Variants in KCNH5 observed in about 807,000 individuals in gnomAD.
KCNH5 encodes the protein potassium voltage-gated channel subfamily H member 5.
KCNH5 carries 46 observed loss-of-function variants against 96.1 expected under a neutral mutation model. The ratio of observed to expected loss-of-function variants is 0.48; its 90% CI spans 0.38 to 0.61. The LOEUF is 0.61. KCNH5 is among the 20% of genes least tolerant of loss of function. KCNH5 has a pLI of 0.00. For synonymous variants in KCNH5, 439 were observed against 449.8 expected, an observed-to-expected ratio of 0.98 and a Z score of 0.30; for missense variants, 907 against 1,225.8, an observed-to-expected ratio of 0.74 and a Z score of 3.88.
chr14:62,708,584 AG>A, intron 10 of KCNH5, 129 bp from the exon 11 acceptor site: 1 of 581,334 alleles, frequency 1.7e-6, no homozygotes. Flanking sequence ...TTATTTCTCA[AG>A]AAAAAAAAAT....
Position 62,981,264 on chromosome 14 carries a change from C to T in KCNH5, c.550G>A (p.Val184Ile), listed in dbSNP as rs752609494. 3.7e-6 allele frequency: 6 copies of T among 1,613,676 alleles called. No individual in the cohort carries two copies. The Admixed American group carries it at 6.7e-5, about 18-fold the overall frequency. Reference sequence around the variant, plus strand: ...AGGATATCTGATCCCAGCTGAAGAACCTAAAAGAGAGAAAATGTATTTATA... The same window carrying T: ...AGGATATCTGATCCCAGCTGAAGAATCTAAAAGAGAGAAAATGTATTTATA... ...VVHKHSRLAEVLQLGSDILPQ... is the reference protein window; with the variant it reads ...VVHKHSRLAEILQLGSDILPQ... The change falls in exon 6 of 11, where the codon GTT becomes ATT. Residue 184 changes from valine (V) to isoleucine (I), a missense_variant and splice_region_variant. This residue lies in a region of KCNH5 where 370 missense variants were observed against 561.3 expected (regional missense o/e 0.66). Coordinates refer to ENST00000322893, the MANE Select transcript of KCNH5 (RefSeq NM_139318.5).
chr14:62,911,064 G>A (rs1027568019), intron 7 of KCNH5, among the ~76,000 whole-genome samples: 5 of 151,894 alleles, frequency 3.3e-5, no homozygotes, highest in Admixed American at 6.6e-5. Context: ...TACTACTTAA[G>A]AGTAGGGGCA....
At chr14:62,815,880 C>T (rs1456350604) in intron 8 of KCNH5, among the ~76,000 whole-genome samples, 1 of 151,850 alleles carries the variant, frequency 6.6e-6, no homozygotes, top group Non-Finnish European at 1.5e-5. Context: ...TACACACACA[C>T]ACAAAACACC....
chr14:62,788,039 T>G (rs1458492518), intron 9 of KCNH5, among the ~76,000 whole-genome samples: 1 of 152,190 alleles, frequency 6.6e-6, no homozygotes, highest in East Asian at 1.9e-4. Context: ...AGAAATATAC[T>G]GGTAAGGCTA....
At chr14:62,746,957 G>C (rs10483755) in intron 10 of KCNH5, among the ~76,000 whole-genome samples, 1 of 152,210 alleles carries the variant, frequency 6.6e-6, no homozygotes, top group Non-Finnish European at 1.5e-5. Context: ...ATCATGTTAA[G>C]ATCAAAATTT....
chr14:62,708,290 G>T lies in KCNH5; in HGVS notation c.2185C>A (p.Pro729Thr), dbSNP rs1374075293. The change falls in exon 11 of 11, where the codon CCT (proline) becomes ACT (threonine). Residue 729 changes from proline (P) to threonine (T), a missense_variant. Physicochemically the swap from Pro to Thr is conservative, Grantham distance 38. Coordinates refer to ENST00000322893, the MANE Select transcript of KCNH5 (RefSeq NM_139318.5). ...TCTACCTGGAGTTGGTTCCTCTCAGGGTCACCCTGTGTTGAGCCCTGATTC... is the reference window on the plus strand; with the variant it reads ...TCTACCTGGAGTTGGTTCCTCTCAGTGTCACCCTGTGTTGAGCCCTGATTC... Reference protein sequence around the residue: ...LRNQGSTQGDPERNQLQVESR... With the variant: ...LRNQGSTQGDTERNQLQVESR... 1.9e-6 allele frequency: 3 copies of T among 1,614,004 alleles called. No individual in the cohort carries two copies. Among genetic ancestry groups the T allele is most frequent in the African/African-American group, 1.3e-5 (1 of 74,888 alleles).
chr14:62,979,498 A>G (rs923472979), intron 6 of KCNH5, among the ~76,000 whole-genome samples: 3 of 152,026 alleles, frequency 2.0e-5, no homozygotes, highest in Non-Finnish European at 4.4e-5. Flanking sequence ...ACTGAAGAAA[A>G]GTTTCAATCT....
chr14:62,853,275 G>A (rs1042309797), intron 7 of KCNH5, among the ~76,000 whole-genome samples: 2 of 151,558 alleles, frequency 1.3e-5, no homozygotes, highest in African/African-American at 2.4e-5. Flanking sequence ...CTAAACCTCC[G>A]TTGGCCTCTA....
At chr14:62,869,299 T>A (rs1322911499) in intron 7 of KCNH5, among the ~76,000 whole-genome samples, 1 of 152,186 alleles carries the variant, frequency 6.6e-6, no homozygotes, top group Non-Finnish European at 1.5e-5. Context: ...GATGACTAGC[T>A]TTTTTTCATG....
chr14:62,734,173 C>A (rs553624029), intron 10 of KCNH5, among the ~76,000 whole-genome samples: 1 of 152,146 alleles, frequency 6.6e-6, no homozygotes, highest in Non-Finnish European at 1.5e-5. Flanking sequence ...TCCCCACCCC[C>A]CAACATATCT....
intron 8 of KCNH5, among the ~76,000 whole-genome samples, chr14:62,841,777 C>T (rs961792400): frequency 6.6e-6 from 1 of 152,218 alleles, no homozygotes; most frequent in Non-Finnish European, 1.5e-5. Flanking sequence ...CATTTTTCAC[C>T]TCCCAGCCAA....
At chr14:62,913,489 G>A (rs1429026973) in intron 7 of KCNH5, among the ~76,000 whole-genome samples, 4 of 152,178 alleles carry the variant, frequency 2.6e-5, no homozygotes, top group African/African-American at 9.6e-5. Context: ...GCCTCCCAAA[G>A]TGTTGGGATT....
chr14:62,725,595 T>C (rs907935697), intron 10 of KCNH5, among the ~76,000 whole-genome samples: 6 of 152,148 alleles, frequency 3.9e-5, no homozygotes, highest in African/African-American at 1.4e-4. Context: ...GGAGGGACAG[T>C]AGAAGAGTTC....
intron 7 of KCNH5, among the ~76,000 whole-genome samples, chr14:62,931,108 G>C (rs191973066): frequency 1.8e-4 from 27 of 152,194 alleles, no homozygotes; most frequent in African/African-American, 6.0e-4. Flanking sequence ...TCGAGCAGAG[G>C]TTGTATATAA....
At chr14:62,745,882 T>C (rs778827506) in intron 10 of KCNH5, among the ~76,000 whole-genome samples, 16 of 152,196 alleles carry the variant, frequency 1.1e-4, no homozygotes, top group Non-Finnish European at 2.4e-4. Context: ...CACATTTTGA[T>C]ATTTCGATTG....
intron 10 of KCNH5, 93 bp downstream of exon 10, chr14:62,779,634 CA>C: frequency 9.4e-7 from 1 of 1,061,926 alleles, no homozygotes; most frequent in Non-Finnish European, 1.3e-6. Flanking sequence ...TTTAGTGCTG[CA>C]AAACAAAATA....
intron 8 of KCNH5, among the ~76,000 whole-genome samples, chr14:62,844,490 A>AT (rs1334591643): frequency 6.6e-6 from 1 of 151,988 alleles, no homozygotes; most frequent in East Asian, 1.9e-4. Flanking sequence ...CATCCTTTCT[A>AT]TTTTTTCCCA....
At chr14:62,830,637 CCGA>C (rs1192041711) in intron 8 of KCNH5, among the ~76,000 whole-genome samples, 3 of 148,936 alleles carry the variant, frequency 2.0e-5, no homozygotes, top group Admixed American at 6.9e-5. Flanking sequence ...AAACCACCCC[CCGA>C]TCCAGGATCC....
chr14:63,011,027 G>T (rs570797101), intron 2 of KCNH5, among the ~76,000 whole-genome samples: 14 of 152,280 alleles, frequency 9.2e-5, no homozygotes, highest in Middle Eastern at 3.4e-3. Context: ...AAGCAACACA[G>T]ATAGACTTAA....
Sources: allele counts gnomAD v4.1 joint callset (sites outside exome capture counted in the v4.1 genomes callset), GRCh38; gene constraint gnomAD v4.1.1; regional missense constraint gnomAD v4.1.1; transcripts MANE v1.5; gene names NCBI Gene and HGNC (gene_info 2026-07-23, HGNC 2026-07-21).